Variants in NCS1 observed in about 807,000 individuals in gnomAD.
NCS1 encodes frequenin homolog.
NCS1 carries 6 observed loss-of-function variants against 28.4 expected under a neutral mutation model. The ratio of observed to expected loss-of-function variants is 0.21; its 90% CI spans 0.12 to 0.42. The LOEUF (loss-of-function observed/expected upper bound fraction) is 0.42, where lower values mean the gene tolerates loss of function less well. NCS1 is among the 10% of genes least tolerant of loss of function. The probability of loss-of-function intolerance (pLI) is 1.00; values close to 1 mark genes in which losing one functional copy is unlikely to be tolerated. For synonymous variants in NCS1, 86 were observed against 99.3 expected, an observed-to-expected ratio of 0.87 and a Z score of 0.79; for missense variants, 131 against 241.4, an observed-to-expected ratio of 0.54 and a Z score of 3.03.
intron 1 of NCS1, 60 bp from the exon 2 acceptor site, chr9:130,200,898 G>A (rs1832937587): frequency 1.2e-6 from 2 of 1,609,550 alleles, no homozygotes; most frequent in Non-Finnish European, 1.7e-6. Context: ...GCGAATGTCT[G>A]CCCATCTCCC....
intron 1 of NCS1, among the ~76,000 whole-genome samples, chr9:130,189,084 C>G (rs1832779853): frequency 6.6e-6 from 1 of 152,256 alleles, no homozygotes; most frequent in African/African-American, 2.4e-5. Flanking sequence ...TGTGTCTCCC[C>G]TGTTGTATCA....
At chr9:130,207,483 C>T (rs1214841685) in intron 2 of NCS1, among the ~76,000 whole-genome samples, 2 of 152,192 alleles carry the variant, frequency 1.3e-5, no homozygotes, top group Admixed American at 6.5e-5. Context: ...TGTTCTGTCT[C>T]GATAGTCACA....
intron 1 of NCS1, among the ~76,000 whole-genome samples, chr9:130,190,032 AAGAGAG>A (rs34529294): frequency 0.018 from 2,178 of 120,494 alleles, 54 homozygotes; most frequent in African/African-American, 0.066. Context: ...ATGTTTATGC[AAGAGAG>A]AGAGAGAGAG....
intron 2 of NCS1, among the ~76,000 whole-genome samples, chr9:130,202,351 C>A (rs527300713): frequency 5.7e-5 from 8 of 139,152 alleles, no homozygotes; most frequent in Admixed American, 2.8e-4. Context: ...GCCCCTCCCC[C>A]CCACCCCCTG....
intron 1 of NCS1, 51 bp downstream of exon 1, chr9:130,172,778 C>T (rs1832501226): frequency 1.1e-6 from 1 of 915,330 alleles, no homozygotes. Context: ...CCCACACCCA[C>T]CGCCCCCGCC....
chr9:130,182,016 T>A (rs2131118040), intron 1 of NCS1, among the ~76,000 whole-genome samples: 1 of 151,904 alleles, frequency 6.6e-6, no homozygotes, highest in Middle Eastern at 3.4e-3. Context: ...AACCAGGTGA[T>A]AAGCTGCCAC....
In NCS1 at chr9:130,236,849, G is replaced by A. The variant is rs1290378430; in HGVS notation, c.*3877G>A. ...TGCGCAAGTCAGTTCTGCTCATTGG[G>A]TCTCAATTTCCCCATCCCTTGGATG... On this transcript the variant is annotated 3_prime_UTR_variant, in exon 8 of 8. Coordinates refer to ENST00000372398, the MANE Select transcript of NCS1 (RefSeq NM_014286.4). The A allele has an allele frequency of 1.3e-5, 2 of 152,096 alleles. No individual in the cohort carries two copies. Among genetic ancestry groups the A allele is most frequent in the Non-Finnish European group, 2.9e-5 (2 of 68,044 alleles). The allele number at this position is 152,096 out of a possible 1,614,324, so 9.4% of individuals were successfully genotyped here. A position where few individuals can be genotyped will look rare whatever the true frequency, so the allele number is the denominator to read the frequency against.
chr9:130,217,470 C>T (rs1833206126), intron 2 of NCS1, among the ~76,000 whole-genome samples: 1 of 152,222 alleles, frequency 6.6e-6, no homozygotes, highest in Admixed American at 6.5e-5. Context: ...GGGTCTTGTG[C>T]AGGCATGCGG....
rs1040710535 is a variant in NCS1 at position 130,175,129 on chromosome 9, G to C, written c.64+2402G>C. ...TTCATTGGCCTCCTGTCTGCCTCCC[G>C]CGCTGACGTCAGCTCCCTAGTGCAG... On this transcript the variant is annotated intron_variant, in intron 1 of 7. Coordinates refer to ENST00000372398, the MANE Select transcript of NCS1 (RefSeq NM_014286.4). The surrounding 1 kb of genome is among the most constrained non-coding windows in gnomAD (Gnocchi z 4.9). Among the ~76,000 whole-genome samples the C allele has an allele frequency of 7.2e-5, 11 of 152,096 alleles. No homozygotes were observed. Among genetic ancestry groups the C allele is most frequent in the Non-Finnish European group, 1.6e-4 (11 of 68,032 alleles).
rs1833086387 is a variant in NCS1, at chr9:130,209,796, T to G, written c.90-8036T>G. Among the ~76,000 whole-genome samples the G allele has an allele frequency of 2.6e-5, 4 of 152,178 alleles. No homozygotes were observed. On this transcript the variant is annotated intron_variant, in intron 2 of 7. Coordinates refer to ENST00000372398, the MANE Select transcript of NCS1 (RefSeq NM_014286.4). The surrounding 1 kb of genome is among the most constrained non-coding windows in gnomAD (Gnocchi z 4.4). Reference sequence around the variant, plus strand: ...TTGTTGAATCTAGGATTTTCTTTTCTCATCTCTACCCTGTCTCGTGGAGCT... The same window carrying G: ...TTGTTGAATCTAGGATTTTCTTTTCGCATCTCTACCCTGTCTCGTGGAGCT...
intron 2 of NCS1, among the ~76,000 whole-genome samples, chr9:130,201,553 G>T (rs1371878235): frequency 6.6e-6 from 1 of 152,142 alleles, no homozygotes; most frequent in Non-Finnish European, 1.5e-5. Flanking sequence ...GGGCCTGGGG[G>T]AGGAGGGCGG....
chr9:130,221,759 AAT>A (rs1325298301), intron 4 of NCS1, among the ~76,000 whole-genome samples: 5 of 140,582 alleles, frequency 3.6e-5, no homozygotes, highest in Non-Finnish European at 6.1e-5. Flanking sequence ...TAAATAAATA[AAT>A]ATATATATAC....
intron 2 of NCS1, among the ~76,000 whole-genome samples, chr9:130,205,004 G>T: frequency 6.6e-6 from 1 of 152,152 alleles, no homozygotes; most frequent in Admixed American, 6.5e-5. Flanking sequence ...AAAACCCCAG[G>T]CCCCGACATA....
chr9:130,190,603 C>T (rs1184850064), intron 1 of NCS1, among the ~76,000 whole-genome samples: 2 of 152,188 alleles, frequency 1.3e-5, no homozygotes, highest in African/African-American at 2.4e-5. Context: ...GGACCTTTGC[C>T]TGCCAGCACC....
In NCS1 at chr9:130,226,476, G is replaced by GGGCT; in HGVS notation, c.565_568dup (p.Val190AlafsTer21). The GGGCT allele has an allele frequency of 6.2e-7, 1 of 1,613,488 alleles. No individual in the cohort carries two copies. The highest frequency in any genetic ancestry group is 1.3e-5 in the African/African-American group (1 of 75,018). Reference sequence around the variant, plus strand: ...TGTGCAGGCGCTGTCCCTCTACGACGGGCTGGTATAGTCCCAGGCTGGAGC... The same window carrying GGGCT: ...TGTGCAGGCGCTGTCCCTCTACGACGGGCTGGCTGGTATAGTCCCAGGCTGGAGC... On this transcript the variant is annotated frameshift_variant, in exon 7 of 8. Coordinates refer to ENST00000372398, the MANE Select transcript of NCS1 (RefSeq NM_014286.4). LOFTEE classifies it high-confidence loss of function. This position sits in a 1 kb window ranked among gnomAD's most constrained non-coding sequence, Gnocchi z 4.8.
intron 5 of NCS1, 108 bp from the exon 6 acceptor site, chr9:130,222,974 G>T (rs1462095807): frequency 3.7e-5 from 28 of 749,556 alleles, no homozygotes; most frequent in Non-Finnish European, 5.7e-5. Flanking sequence ...GGAAAGAAGA[G>T]GGGGGCGGCC....
In NCS1 at chr9:130,172,677, A is replaced by G; in HGVS notation, c.14A>G (p.Asn5Ser). The G allele has an allele frequency of 6.7e-7, 1 of 1,502,128 alleles. No homozygotes were observed. The highest frequency in any genetic ancestry group is 1.5e-5 in the African/African-American group (1 of 68,792). 93.0% of individuals were successfully genotyped at this position (1,502,128 alleles called of 1,614,324 possible). Residue 5 changes from asparagine to serine, a missense_variant, in exon 1 of 8, where the codon AAC becomes AGC. Coordinates refer to ENST00000372398, the MANE Select transcript of NCS1 (RefSeq NM_014286.4). The stretch of plus-strand genomic sequence containing the variant: ...CGGCCGCCGAGGATGGGGAAATCCA[A>G]CAGCAAGTTGAAGCCCGAAGTTGTG... MGKS[N>S]SKLKPEVVEE...
rs1208232448 is a variant in NCS1, at chr9:130,189,875, A to T, written c.65-11083A>T. Reference sequence around the variant, plus strand: ...CTCCATCTCAAAAAAAAAAAAAAAAAAAAAATATATATATATATATATATA... The same window carrying T: ...CTCCATCTCAAAAAAAAAAAAAAAATAAAAATATATATATATATATATATA... On this transcript the variant is annotated intron_variant, in intron 1 of 7. Coordinates refer to ENST00000372398, the MANE Select transcript of NCS1 (RefSeq NM_014286.4). Among the ~76,000 whole-genome samples the T allele has an allele frequency of 5.4e-3, 488 of 91,062 alleles. 2 individuals are homozygous for T. Among genetic ancestry groups the T allele is most frequent in the Middle Eastern group, 0.019 (4 of 210 alleles). The allele number at this position is 91,062 out of a possible 152,430, so 59.7% of individuals were successfully genotyped here.
At chr9:130,207,735 C>T (rs539667710) in intron 2 of NCS1, among the ~76,000 whole-genome samples, 2 of 152,362 alleles carry the variant, frequency 1.3e-5, no homozygotes, top group South Asian at 4.1e-4. Flanking sequence ...AGGCCCGGGC[C>T]AGGCCAACTG....
Sources: allele counts gnomAD v4.1 joint callset (sites outside exome capture counted in the v4.1 genomes callset), GRCh38; gene constraint gnomAD v4.1.1; non-coding constraint Gnocchi (gnomAD v3.1); transcripts MANE v1.5; gene names NCBI Gene and HGNC (gene_info 2026-07-23, HGNC 2026-07-21).